CIMIP3: variants seen among roughly 807,000 people sequenced by gnomAD.
CIMIP3 encodes ciliary microtubule inner protein 3.
the CIMIP3 span, among the ~76,000 whole-genome samples, chr6:42,161,075 C>A: frequency 4.6e-5 from 7 of 152,132 alleles, no homozygotes; most frequent in Non-Finnish European, 1.0e-4. Flanking sequence ...GTAATCCCAC[C>A]TACTCGGGAG....
At chr6:42,163,415 A>G in the CIMIP3 span, 2 of 402,988 alleles carry the variant, frequency 5.0e-6, no homozygotes, top group East Asian at 7.1e-5. Context: ...TCTTCTCAGC[A>G]GCAGTTAAAG....
chr6:42,157,561 T>C, the CIMIP3 span, among the ~76,000 whole-genome samples: 24 of 151,880 alleles, frequency 1.6e-4, no homozygotes, highest in Admixed American at 7.9e-4. Context: ...TTTTTCTTTT[T>C]TTTTTTTTAA....
the CIMIP3 span, among the ~76,000 whole-genome samples, chr6:42,160,635 C>T: frequency 6.6e-6 from 1 of 152,132 alleles, no homozygotes; most frequent in African/African-American, 2.4e-5. Flanking sequence ...CTTAGTCCCT[C>T]CAGCGAAGGA....
At chr6:42,160,881 A>G in the CIMIP3 span, among the ~76,000 whole-genome samples, 1 of 152,244 alleles carries the variant, frequency 6.6e-6, no homozygotes, top group African/African-American at 2.4e-5. Flanking sequence ...GGCTGGGCAG[A>G]TAGTTTGTAA....
chr6:42,161,462 G>A, the CIMIP3 span, among the ~76,000 whole-genome samples: 167 of 152,252 alleles, frequency 1.1e-3, 3 homozygotes, highest in South Asian at 0.015. Flanking sequence ...GTGCTGTCAC[G>A]GTGAGGACAG....
the CIMIP3 span, among the ~76,000 whole-genome samples, chr6:42,156,594 G>T: frequency 6.6e-6 from 1 of 152,182 alleles, no homozygotes; most frequent in Admixed American, 6.5e-5. Flanking sequence ...CTCTCCTATA[G>T]GTTCAGACAG....
At chr6:42,162,090 C>CT in the CIMIP3 span, among the ~76,000 whole-genome samples, 6,987 of 62,654 alleles carry the variant, frequency 0.11, 1,412 homozygotes, top group African/African-American at 0.15. Flanking sequence ...AAGCCACATT[C>CT]TTTTTTTTTT....
At chr6:42,158,473 T>A in the CIMIP3 span, among the ~76,000 whole-genome samples, 2 of 152,140 alleles carry the variant, frequency 1.3e-5, no homozygotes, top group Non-Finnish European at 1.5e-5. Context: ...GAGTCCTGTA[T>A]GTTGCAGCAG....
At chr6:42,163,287 A>C in the CIMIP3 span, 2 of 499,304 alleles carry the variant, frequency 4.0e-6, no homozygotes, top group Non-Finnish European at 7.4e-6. Flanking sequence ...CTTCACCCTC[A>C]CCCCTGTGAC....
chr6:42,163,050 T>C, the CIMIP3 span: 1 of 717,632 alleles, frequency 1.4e-6, no homozygotes, highest in Non-Finnish European at 2.6e-6. Context: ...GCAGCCTATG[T>C]GCCGGTCGTT....
At chr6:42,162,090 CTTTTTTTTTTTTT>C in the CIMIP3 span, among the ~76,000 whole-genome samples, 31 of 63,078 alleles carry the variant, frequency 4.9e-4, no homozygotes, top group South Asian at 1.4e-3. Context: ...AAGCCACATT[CTTTTTTTTTTTTT>C]TTTTTTTTTT....
At chr6:42,163,094 A>G in the CIMIP3 span, 3 of 715,310 alleles carry the variant, frequency 4.2e-6, no homozygotes. Context: ...GGACAAGCTC[A>G]GGTTCAATTT....
At chr6:42,158,563 G>A in the CIMIP3 span, among the ~76,000 whole-genome samples, 3 of 152,244 alleles carry the variant, frequency 2.0e-5, no homozygotes, top group African/African-American at 4.8e-5. Flanking sequence ...AGAAAGGGAG[G>A]AGAGAGTTTG....
the CIMIP3 span, among the ~76,000 whole-genome samples, chr6:42,156,008 T>C: frequency 1.3e-5 from 2 of 149,884 alleles, no homozygotes; most frequent in African/African-American, 4.9e-5. Context: ...ATTCTATTTA[T>C]TTTTTTTTTG....
the CIMIP3 span, among the ~76,000 whole-genome samples, chr6:42,157,787 G>C: frequency 6.6e-6 from 1 of 152,178 alleles, no homozygotes; most frequent in Non-Finnish European, 1.5e-5. Context: ...GGAGGGGCTG[G>C]TGAGAATCTC....
the CIMIP3 span, among the ~76,000 whole-genome samples, chr6:42,156,402 A>G: frequency 6.7e-6 from 1 of 148,640 alleles, no homozygotes; most frequent in African/African-American, 2.5e-5. Flanking sequence ...CAATCCTCCC[A>G]CTTCAACCTC....
At chr6:42,159,607 C>A in the CIMIP3 span, among the ~76,000 whole-genome samples, 2 of 152,232 alleles carry the variant, frequency 1.3e-5, no homozygotes, top group African/African-American at 4.8e-5. Flanking sequence ...CTGCCCCGCC[C>A]TCCAGTGAGC....
At chr6:42,159,208 A>T in the CIMIP3 span, among the ~76,000 whole-genome samples, 3 of 152,224 alleles carry the variant, frequency 2.0e-5, no homozygotes, top group South Asian at 4.1e-4. Context: ...CGACTGGGAG[A>T]AGGTGCTACT....
the CIMIP3 span, among the ~76,000 whole-genome samples, chr6:42,156,798 C>T: frequency 6.6e-6 from 1 of 152,364 alleles, no homozygotes; most frequent in Middle Eastern, 3.4e-3. Context: ...GGTCGCCTGA[C>T]CTGTAAGAAC....
Sources: allele counts gnomAD v4.1 joint callset (sites outside exome capture counted in the v4.1 genomes callset), GRCh38; gene constraint gnomAD v4.1.1; transcripts MANE v1.5; gene names NCBI Gene and HGNC (gene_info 2026-07-23, HGNC 2026-07-21).